Variants in SHANK2 observed in about 807,000 individuals in gnomAD.
The protein encoded by SHANK2 is SH3 and multiple ankyrin repeat domains 2.
In SHANK2, 43 loss-of-function variants were observed where a neutral mutation model predicts 133.7. That is an observed-to-expected ratio of 0.32 (90% confidence interval 0.25 to 0.41). The LOEUF (loss-of-function observed/expected upper bound fraction) is 0.41. SHANK2 is among the 10% of genes least tolerant of loss of function. The pLI is 1.00. For missense variants in SHANK2, 1,994 were observed against 2,235.8 expected (o/e 0.89, Z 2.18); for synonymous variants, 1,017 against 952.8 (o/e 1.07, Z -1.24).
At chr11:71,179,946 G>A (rs996289757) in intron 2 of SHANK2, among the ~76,000 whole-genome samples, 2 of 152,124 alleles carry the variant, frequency 1.3e-5, no homozygotes, top group Non-Finnish European at 2.9e-5. Context: ...CTCGATAACC[G>A]AGGTGCCACC....
chr11:70,582,336 G>T (rs1221350225), intron 17 of SHANK2, among the ~76,000 whole-genome samples: 1 of 152,212 alleles, frequency 6.6e-6, no homozygotes, highest in African/African-American at 2.4e-5. Flanking sequence ...CGTGGAGGCC[G>T]CCAGCCCCGG....
chr11:70,715,571 G>A (rs1360405429), intron 14 of SHANK2, among the ~76,000 whole-genome samples: 1 of 152,184 alleles, frequency 6.6e-6, no homozygotes, highest in Non-Finnish European at 1.5e-5. Flanking sequence ...CTGTCACTGA[G>A]TTGGTTTCTA....
chr11:70,774,990 C>CGAAAAAA (rs1555043614), intron 14 of SHANK2, among the ~76,000 whole-genome samples: 3 of 152,070 alleles, frequency 2.0e-5, no homozygotes, highest in African/African-American at 7.2e-5. Flanking sequence ...GAGACTGTCT[C>CGAAAAAA]TAAAAAATAA....
At position 71,238,001 on chromosome 11, in the gene SHANK2, T is replaced by C. The variant is rs369833778; in HGVS notation, c.-112-13205A>G. On this transcript the variant is annotated intron_variant, in intron 1 of 25. Transcript: ENST00000601538. ...GGGGCTCTCCCTGTGACACACAGAC[T>C]CACCTCTGTCCCCAGGCCCTGCATA... Among the ~76,000 whole-genome samples the C allele has an allele frequency of 2.6e-5, 4 of 152,286 alleles. No individual in the cohort carries two copies. In the East Asian group the frequency reaches 5.8e-4, roughly 22 times the overall value.
intron 17 of SHANK2, among the ~76,000 whole-genome samples, chr11:70,627,976 T>C (rs2060926964): frequency 6.6e-6 from 1 of 152,170 alleles, no homozygotes; most frequent in Non-Finnish European, 1.5e-5. Context: ...TTGTTTTTTT[T>C]TGAAACAGAG....
At chr11:70,612,364 T>G (rs1399556523) in intron 17 of SHANK2, among the ~76,000 whole-genome samples, 3 of 152,138 alleles carry the variant, frequency 2.0e-5, no homozygotes, top group African/African-American at 7.2e-5. Flanking sequence ...ATTTACCTGA[T>G]AGCAGCTGCA....
intron 2 of SHANK2, among the ~76,000 whole-genome samples, chr11:71,180,911 G>A (rs1438924978): frequency 2.0e-5 from 3 of 151,968 alleles, no homozygotes; most frequent in Admixed American, 6.6e-5. Context: ...AGCCCCGTCC[G>A]GCTGTCTAGT....
At chr11:71,062,924 G>C (rs1208628897) in intron 9 of SHANK2, among the ~76,000 whole-genome samples, 1 of 147,378 alleles carries the variant, frequency 6.8e-6, no homozygotes, top group Non-Finnish European at 1.5e-5. Context: ...TTGAGCCCAA[G>C]AGGTCGTGGC....
At position 70,659,921 on chromosome 11, in the gene SHANK2, T is replaced by C; in HGVS notation, c.1968A>G (p.Thr656=). The C allele has an allele frequency of 6.2e-7, 1 of 1,614,062 alleles. No individual in the cohort carries two copies. Among genetic ancestry groups the C allele is most frequent in the Non-Finnish European group, 8.5e-7 (1 of 1,180,006 alleles). ...GGTACTGTAGGGCTGGGAAAGCCGG[T>C]GTTGGTGTGAATTCTTCAATGGGTG... The part of the protein sequence containing the change: ...ADTPIEEFTP[T]PAFPALQYLE... The change falls in exon 17 of 26, where the codon ACA becomes ACG. Residue 656 remains threonine, a synonymous_variant. Transcript: ENST00000601538.
chr11:70,937,926 T>C (rs1385957776), intron 10 of SHANK2, among the ~76,000 whole-genome samples: 1 of 152,112 alleles, frequency 6.6e-6, no homozygotes, highest in Non-Finnish European at 1.5e-5. Flanking sequence ...TTTGCATGTG[T>C]GTGTGGATGC....
At chr11:70,782,841 C>T (rs782664332) in intron 14 of SHANK2, among the ~76,000 whole-genome samples, 1 of 152,222 alleles carries the variant, frequency 6.6e-6, no homozygotes, top group Non-Finnish European at 1.5e-5. Flanking sequence ...ATCGCACACG[C>T]AGCACGTCCG....
chr11:70,835,188 C>T (rs1441833032), intron 11 of SHANK2, among the ~76,000 whole-genome samples: 14 of 152,262 alleles, frequency 9.2e-5, no homozygotes, highest in African/African-American at 2.9e-4. Flanking sequence ...CTACTGTGTG[C>T]GGGACACACC....
intron 1 of SHANK2, chr11:71,240,780 G>T (rs552188064): frequency 6.6e-6 from 1 of 152,246 alleles, no homozygotes; most frequent in Admixed American, 6.5e-5. Flanking sequence ...AATTAGCCAG[G>T]TGTGGTGGTG....
chr11:70,527,661 G>A (rs2059416241), intron 17 of SHANK2, among the ~76,000 whole-genome samples: 1 of 152,228 alleles, frequency 6.6e-6, no homozygotes, highest in Non-Finnish European at 1.5e-5. Context: ...CCTGAGGCCG[G>A]GCCCCCAAAT....
chr11:70,788,945 C>T (rs980678597), intron 14 of SHANK2, among the ~76,000 whole-genome samples: 6 of 152,130 alleles, frequency 3.9e-5, no homozygotes, highest in South Asian at 2.1e-4. Flanking sequence ...AGGAGAGATC[C>T]GAGAATGTTA....
intron 17 of SHANK2, among the ~76,000 whole-genome samples, chr11:70,564,683 C>CT (rs202232477): frequency 2.2e-4 from 33 of 151,484 alleles, no homozygotes; most frequent in African/African-American, 5.6e-4. Context: ...AAAAAGAATT[C>CT]TTTTTTTTTC....
At chr11:70,484,063 A>G (rs537495325) in intron 25 of SHANK2, among the ~76,000 whole-genome samples, 1 of 152,340 alleles carries the variant, frequency 6.6e-6, no homozygotes, top group Non-Finnish European at 1.5e-5. Flanking sequence ...GAAACCCAAG[A>G]TCAAATATCA....
intron 17 of SHANK2, among the ~76,000 whole-genome samples, chr11:70,621,250 TAA>T (rs782542252): frequency 6.6e-6 from 1 of 152,204 alleles, no homozygotes; most frequent in Non-Finnish European, 1.5e-5. Context: ...TTGAGGAGAT[TAA>T]GTGTCATAAG....
intron 11 of SHANK2, among the ~76,000 whole-genome samples, chr11:70,870,149 T>C (rs782741479): frequency 6.6e-6 from 1 of 152,062 alleles, no homozygotes; most frequent in Non-Finnish European, 1.5e-5. Context: ...TGGAAGAGGT[T>C]TGAGGATGAG....
Sources: gnomAD v4.1 joint callset for allele counts (sites outside exome capture counted in the v4.1 genomes callset) on GRCh38, gnomAD v4.1.1 for gene constraint, MANE v1.5 for transcripts, NCBI Gene and HGNC (gene_info 2026-07-23, HGNC 2026-07-21) for gene names.